SOX5: variants seen among roughly 807,000 people sequenced by gnomAD.
SOX5 encodes the protein transcription factor SOX-5.
A neutral mutation model predicts 92.0 loss-of-function variants in SOX5; 9 were observed. The ratio of observed to expected loss-of-function variants is 0.10; its 90% CI spans 0.06 to 0.17. The LOEUF (loss-of-function observed/expected upper bound fraction) is 0.17, where lower values mean the gene tolerates loss of function less well. Ranked by LOEUF, SOX5 falls within the 10% of genes least tolerant of loss-of-function variation. The probability of loss-of-function intolerance (pLI) is 1.00; values close to 1 mark genes in which losing one functional copy is unlikely to be tolerated. For synonymous variants in SOX5, 344 were observed against 336.3 expected, an observed-to-expected ratio of 1.02 and a Z score of -0.25; for missense variants, 642 against 944.5, an observed-to-expected ratio of 0.68 and a Z score of 4.20.
At chr12:23,873,410 C>T (rs1262325176) in intron 2 of SOX5, among the ~76,000 whole-genome samples, 1 of 152,126 alleles carries the variant, frequency 6.6e-6, no homozygotes, top group Admixed American at 6.5e-5. Context: ...GAGGTCAAGG[C>T]TGCAGCGAGC....
At chr12:23,717,192 A>C (rs2092555784) in intron 6 of SOX5, among the ~76,000 whole-genome samples, 1 of 152,196 alleles carries the variant, frequency 6.6e-6, no homozygotes. Flanking sequence ...ACAGTAGAAA[A>C]AATATTTGGA....
chr12:23,946,968 G>A (rs1232460467), intron 1 of SOX5, among the ~76,000 whole-genome samples: 1 of 151,848 alleles, frequency 6.6e-6, no homozygotes, highest in Non-Finnish European at 1.5e-5. Context: ...ATTAGTCTGA[G>A]AGTACTGACC....
intron 4 of SOX5, among the ~76,000 whole-genome samples, chr12:24,179,886 A>T (rs1955277661): frequency 6.6e-6 from 1 of 151,966 alleles, no homozygotes; most frequent in African/African-American, 2.4e-5. Flanking sequence ...TGAGTTAATG[A>T]ATTAACTCTT....
intron 2 of SOX5, among the ~76,000 whole-genome samples, chr12:24,358,957 A>T (rs967829857): frequency 1.3e-5 from 2 of 152,350 alleles, no homozygotes; most frequent in African/African-American, 4.8e-5. Context: ...GGAGGTATAT[A>T]TCTATCCCCA....
intron 4 of SOX5, among the ~76,000 whole-genome samples, chr12:24,065,176 T>C (rs1187091505): frequency 2.6e-5 from 4 of 152,112 alleles, no homozygotes; most frequent in Non-Finnish European, 5.9e-5. Context: ...GGTAGAGACA[T>C]TAAGTTCCTG....
intron 2 of SOX5, among the ~76,000 whole-genome samples, chr12:24,285,638 G>A (rs141100028): frequency 6.6e-6 from 1 of 152,276 alleles, no homozygotes; most frequent in Non-Finnish European, 1.5e-5. Flanking sequence ...CCAGTGGTAG[G>A]TGGCAGCGAC....
At chr12:24,464,023 A>G (rs1327817385) in intron 1 of SOX5, among the ~76,000 whole-genome samples, 2 of 152,198 alleles carry the variant, frequency 1.3e-5, no homozygotes, top group African/African-American at 2.4e-5. Flanking sequence ...AACTTCGCTG[A>G]CAAATAGGGG....
intron 4 of SOX5, among the ~76,000 whole-genome samples, chr12:24,131,049 T>A (rs182563266): frequency 1.3e-5 from 2 of 152,308 alleles, no homozygotes; most frequent in East Asian, 3.9e-4. Context: ...CCTTCAAAAA[T>A]TTATCATTTA....
intron 6 of SOX5, among the ~76,000 whole-genome samples, chr12:23,676,379 C>A (rs918388743): frequency 1.3e-5 from 2 of 151,998 alleles, no homozygotes; most frequent in Non-Finnish European, 2.9e-5. Flanking sequence ...TATTTTTTAT[C>A]CATGAACCCC....
chr12:24,140,693 T>C (rs1950508333), intron 4 of SOX5, among the ~76,000 whole-genome samples: 2 of 152,172 alleles, frequency 1.3e-5, no homozygotes, highest in South Asian at 4.1e-4. Context: ...CAAGAAAAGA[T>C]GTTAGAATCT....
chr12:23,914,704 C>A (rs961480197), intron 1 of SOX5, among the ~76,000 whole-genome samples: 1 of 152,020 alleles, frequency 6.6e-6, no homozygotes, highest in South Asian at 2.1e-4. Context: ...TTTTTAAATT[C>A]TGTACTAGTA....
chr12:24,113,748 C>T (rs931957273), intron 4 of SOX5, among the ~76,000 whole-genome samples: 5 of 152,132 alleles, frequency 3.3e-5, no homozygotes, highest in African/African-American at 1.2e-4. Context: ...CTGCAACCTG[C>T]AAGAGCCAAG....
chr12:24,247,302 G>T (rs1939014329), intron 3 of SOX5, among the ~76,000 whole-genome samples: 3 of 152,244 alleles, frequency 2.0e-5, no homozygotes, highest in African/African-American at 7.2e-5. Flanking sequence ...TGGAAGAAAG[G>T]AACACAGTAG....
intron 2 of SOX5, among the ~76,000 whole-genome samples, chr12:23,860,213 G>T (rs769649031): frequency 2.6e-5 from 4 of 151,694 alleles, no homozygotes; most frequent in Non-Finnish European, 5.9e-5. Context: ...TTAATACCTG[G>T]GTGATGCAAT....
At chr12:23,617,043 T>G (rs977152457) in intron 8 of SOX5, among the ~76,000 whole-genome samples, 3 of 151,252 alleles carry the variant, frequency 2.0e-5, no homozygotes. Context: ...GGGGATTGCT[T>G]GAGCCCAGCA....
At position 23,935,662 on chromosome 12, in the gene SOX5, T is replaced by A. The variant is rs547814491; in HGVS notation, c.38+13902A>T. Among the ~76,000 whole-genome samples, 244 of 151,252 alleles carry A rather than the reference T, an allele frequency of 1.6e-3. 2 individuals carry two copies. The highest frequency in any genetic ancestry group is 5.5e-3 in the African/African-American group (226 of 41,448). ...GCCTGGATATCCACCATCCAGCATA[T>A]CACCTTGTGCAATGAATGAGTTAAT... On this transcript the variant is annotated intron_variant, in intron 1 of 14. Transcript: ENST00000451604.
chr12:24,151,626 G>A (rs1290707657), intron 4 of SOX5, among the ~76,000 whole-genome samples: 1 of 151,936 alleles, frequency 6.6e-6, no homozygotes, highest in Non-Finnish European at 1.5e-5. Flanking sequence ...AGTGTCCGCA[G>A]GGAATCATAT....
At chr12:24,444,903 G>A (rs1049975292) in intron 1 of SOX5, among the ~76,000 whole-genome samples, 9 of 152,036 alleles carry the variant, frequency 5.9e-5, no homozygotes, top group Non-Finnish European at 1.3e-4. Flanking sequence ...GTTCCCTAGG[G>A]CACAACACAA....
At chr12:23,955,754 A>T (rs1946216750), upstream of SOX5, among the ~76,000 whole-genome samples, 1 of 152,192 alleles carries the variant, frequency 6.6e-6, no homozygotes, top group Non-Finnish European at 1.5e-5. Context: ...AGTAAAAAAA[A>T]AAAAATCCAT....
Sources: allele counts gnomAD v4.1 joint callset (sites outside exome capture counted in the v4.1 genomes callset), GRCh38; gene constraint gnomAD v4.1.1; transcripts MANE v1.5; gene names NCBI Gene and HGNC (gene_info 2026-07-23, HGNC 2026-07-21).